Variants in P4HA1 observed in about 807,000 individuals in gnomAD.
P4HA1 encodes the protein prolyl 4-hydroxylase subunit alpha-1.
Under a neutral mutation model 72.8 loss-of-function variants are expected in P4HA1, and 24 were observed. The ratio of observed to expected loss-of-function variants is 0.33; its 90% CI spans 0.24 to 0.46. The LOEUF (loss-of-function observed/expected upper bound fraction) is 0.46. Ranked by LOEUF, P4HA1 falls within the 20% of genes least tolerant of loss-of-function variation. The pLI, the probability that P4HA1 is intolerant of heterozygous loss-of-function variation, is 1.00. For synonymous variants in P4HA1, 201 were observed against 218.8 expected (o/e 0.92, Z 0.72); for missense variants, 446 against 640.6 (o/e 0.70, Z 3.28).
intron 5 of P4HA1, among the ~76,000 whole-genome samples, chr10:73,056,579 C>T (rs1352166362): frequency 6.6e-6 from 1 of 151,732 alleles, no homozygotes; most frequent in East Asian, 1.9e-4. Flanking sequence ...TAGCAGTGAG[C>T]CAAGATCACG....
intron 10 of P4HA1, among the ~76,000 whole-genome samples, chr10:73,020,274 A>C (rs1370545790): frequency 1.3e-5 from 2 of 150,764 alleles, no homozygotes; most frequent in Non-Finnish European, 1.5e-5. Context: ...ACCTCTATGC[A>C]CACAAACTTT....
chr10:73,053,319 C>T (rs1841061327), intron 6 of P4HA1, 32 bp downstream of exon 6: 1 of 1,605,008 alleles, frequency 6.2e-7, no homozygotes. Context: ...CTCAATATAA[C>T]TATAACCTTA....
chr10:73,073,724 T>C lies in P4HA1; in HGVS notation c.173+7A>G, dbSNP rs1473367080. ...TCAGAGTCATAATAAGCAAACATTTTGCTTACTTTTTTATTTGTTCTAACT... is the reference window on the plus strand; with the variant it reads ...TCAGAGTCATAATAAGCAAACATTTCGCTTACTTTTTTATTTGTTCTAACT... On this transcript the variant is annotated splice_region_variant and intron_variant, in intron 3 of 14. Transcript: ENST00000394890. 1.6e-6 allele frequency: 2 copies of C among 1,272,288 alleles called. No individual in the cohort carries two copies. The highest frequency in any genetic ancestry group is 2.3e-6 in the Non-Finnish European group (2 of 868,612). The allele number at this position is 1,272,288 out of a possible 1,614,324, so 78.8% of individuals were successfully genotyped here.
At chr10:73,043,740 G>A (rs900447347) in intron 9 of P4HA1, 8 of 680,264 alleles carry the variant, frequency 1.2e-5, no homozygotes, top group East Asian at 2.8e-5. Flanking sequence ...TTATTAGTCC[G>A]TCATGAAAAC....
chr10:73,040,993 TG>T (rs1212799838), intron 9 of P4HA1, among the ~76,000 whole-genome samples: 1 of 152,210 alleles, frequency 6.6e-6, no homozygotes, highest in African/African-American at 2.4e-5. Context: ...TTAATTGCAA[TG>T]TTCAGAAGCA....
Position 73,064,347 on chromosome 10 carries a change from T to C in P4HA1, c.463+4499A>G, listed in dbSNP as rs549172950. ...AAAATTAGCTGCTTGTGGTGGCACATGCCTGTAGTCCTGGCTACTTGGGAG... is the reference window on the plus strand; with the variant it reads ...AAAATTAGCTGCTTGTGGTGGCACACGCCTGTAGTCCTGGCTACTTGGGAG... On this transcript the variant is annotated intron_variant, in intron 5 of 14. Coordinates refer to ENST00000394890, the MANE Select transcript of P4HA1 (RefSeq NM_001017962.3). Among the ~76,000 whole-genome samples, 5 of 152,182 alleles carry C rather than the reference T, an allele frequency of 3.3e-5. No homozygotes were observed. In the South Asian group the frequency reaches 1.0e-3, roughly 32 times the overall value.
chr10:73,028,909 G>C (rs1375890959), intron 10 of P4HA1, among the ~76,000 whole-genome samples: 1 of 150,216 alleles, frequency 6.7e-6, no homozygotes, highest in Non-Finnish European at 1.5e-5. Flanking sequence ...GCTAGCCGTG[G>C]CGGCATGTGC....
At chr10:73,043,372 T>C (rs1412122921) in intron 9 of P4HA1, among the ~76,000 whole-genome samples, 1 of 152,226 alleles carries the variant, frequency 6.6e-6, no homozygotes, top group African/African-American at 2.4e-5. Context: ...TGTCACCCAA[T>C]TCTGTGAGCT....
intron 7 of P4HA1, among the ~76,000 whole-genome samples, 174 bp downstream of exon 7, chr10:73,050,879 A>T (rs1431798790): frequency 6.6e-6 from 1 of 151,998 alleles, no homozygotes; most frequent in Non-Finnish European, 1.5e-5. Flanking sequence ...TAATTTTTAA[A>T]TTTTTTTGTA....
intron 12 of P4HA1, among the ~76,000 whole-genome samples, chr10:73,012,092 T>C (rs528659588): frequency 5.3e-5 from 8 of 152,258 alleles, no homozygotes; most frequent in African/African-American, 1.9e-4. Flanking sequence ...TAAAATGCTA[T>C]ACAACTATTT....
chr10:73,039,434 G>A lies in P4HA1; in HGVS notation c.1148+5547C>T, dbSNP rs187993607. Among the ~76,000 whole-genome samples the A allele has an allele frequency of 2.6e-3, 391 of 152,158 alleles. 7 individuals are homozygous for A. The East Asian group carries it at 0.034, about 13-fold the overall frequency. ...CCGTTCTCCTGCCTCAGCCTCCCCA[G>A]TAGTTGGGACCACAGGCACCCGCCA... On this transcript the variant is annotated intron_variant, in intron 9 of 14. Transcript: ENST00000394890.
chr10:73,013,653 A>G (rs1397956455), intron 12 of P4HA1, among the ~76,000 whole-genome samples: 1 of 152,212 alleles, frequency 6.6e-6, no homozygotes, highest in African/African-American at 2.4e-5. Flanking sequence ...CACTACAATC[A>G]AAACTTTTTT....
chr10:73,076,551 C>A (rs543196406), intron 1 of P4HA1, among the ~76,000 whole-genome samples: 2 of 152,076 alleles, frequency 1.3e-5, no homozygotes, highest in Admixed American at 1.3e-4. Flanking sequence ...GGCAGCAAAG[C>A]CCATTAGTGT....
intron 6 of P4HA1, among the ~76,000 whole-genome samples, chr10:73,052,583 A>G (rs1281092935): frequency 6.6e-6 from 1 of 152,218 alleles, no homozygotes; most frequent in Non-Finnish European, 1.5e-5. Flanking sequence ...TACTTGAACC[A>G]ATATCTTGAT....
intron 2 of P4HA1, 30 bp downstream of exon 2, chr10:73,074,778 C>G: frequency 8.3e-7 from 1 of 1,205,768 alleles, no homozygotes; most frequent in East Asian, 2.3e-5. Context: ...AATGCAAAAC[C>G]AACAAAAAAC....
chr10:73,054,197 C>T (rs1000967945), intron 5 of P4HA1, among the ~76,000 whole-genome samples: 10 of 152,248 alleles, frequency 6.6e-5, no homozygotes, highest in South Asian at 2.1e-4. Flanking sequence ...TAAGCCACCG[C>T]GCCCGGCCAC....
intron 8 of P4HA1, among the ~76,000 whole-genome samples, chr10:73,045,394 G>T (rs1370108568): frequency 6.6e-6 from 1 of 152,046 alleles, no homozygotes; most frequent in Admixed American, 6.6e-5. Flanking sequence ...CCATCTGGGG[G>T]TGGGGAGAGA....
chr10:73,095,222 CAAGCTAAAAA>C (rs1842135689), intron 1 of P4HA1, among the ~76,000 whole-genome samples: 1 of 93,364 alleles, frequency 1.1e-5, no homozygotes, highest in South Asian at 3.6e-4. Context: ...ATTACGCTCA[CAAGCTAAAAA>C]AAAAAAAAAA....
At chr10:73,069,041 A>G in intron 4 of P4HA1, 58 bp from the exon 5 acceptor site, 1 of 1,281,552 alleles carries the variant, frequency 7.8e-7, no homozygotes, top group East Asian at 2.3e-5. Flanking sequence ...CTTCCCATAA[A>G]GAGACTTAAT....
Sources: allele counts gnomAD v4.1 joint callset (sites outside exome capture counted in the v4.1 genomes callset), GRCh38; gene constraint gnomAD v4.1.1; transcripts MANE v1.5; gene names NCBI Gene and HGNC (gene_info 2026-07-23, HGNC 2026-07-21).